LRRC37B: variants seen among roughly 807,000 people sequenced by gnomAD.
The protein encoded by LRRC37B is leucine-rich repeat-containing protein 37B.
In LRRC37B, 28 loss-of-function variants were observed where a neutral mutation model predicts 98.3. The observed-to-expected ratio is 0.28, with a 90% confidence interval of 0.21 to 0.39. The LOEUF is 0.39. Among genes scored for constraint, LRRC37B ranks in the 10% least tolerant of loss-of-function variants. The pLI is 1.00. For missense variants in LRRC37B, 938 were observed against 1,182.7 expected (o/e 0.79, Z 3.03); for synonymous variants, 364 against 442.7 (o/e 0.82, Z 2.23).
At chr17:32,047,922 G>C (rs375961211) in intron 9 of LRRC37B, 21 bp downstream of exon 12, 23 of 1,614,148 alleles carry the variant, frequency 1.4e-5, no homozygotes, top group Non-Finnish European at 1.9e-5. Flanking sequence ...AGACACCAAT[G>C]ACGAGAGTGA....
chr17:32,025,088 G>A (rs1209102069), intron 2 of LRRC37B, among the ~76,000 whole-genome samples: 2 of 124,898 alleles, frequency 1.6e-5, no homozygotes, highest in East Asian at 2.2e-4. Flanking sequence ...CTGGGCTGGA[G>A]TGCAGTGGCA....
exon 1 of LRRC37B, chr17:32,021,492 G>A (rs1910779592): frequency 6.2e-7 from 1 of 1,614,098 alleles, no homozygotes; most frequent in Non-Finnish European, 8.5e-7. Context: ...GCCGTTCTTG[G>A]CTGCACATCA....
At chr17:32,020,983 T>A (rs1910754521), upstream of LRRC37B, 6 of 1,497,488 alleles carry the variant, frequency 4.0e-6, no homozygotes, top group Middle Eastern at 1.8e-4. Context: ...GATTGTGACA[T>A]AAGGTTGCCC....
At chr17:32,021,808 C>T (rs1292302935) in exon 1 of LRRC37B, 1 of 1,614,198 alleles carries the variant, frequency 6.2e-7, no homozygotes, top group Non-Finnish European at 8.5e-7. Context: ...CAGAAACAGA[C>T]TTTGCCAGAT....
At chr17:32,008,621 C>T (rs889110073) in intron 1 of LRRC37B, among the ~76,000 whole-genome samples, 2 of 152,182 alleles carry the variant, frequency 1.3e-5, no homozygotes, top group African/African-American at 4.8e-5. Flanking sequence ...TTGTGGCACA[C>T]AGACACACAG....
exon 10 of LRRC37B, chr17:32,049,116 A>G: frequency 6.2e-7 from 1 of 1,613,872 alleles, no homozygotes. Context: ...TCAGCTTGAA[A>G]TTCAGCTAAC....
chr17:32,041,779 C>T (rs1382149427), intron 7 of LRRC37B: 5 of 458,268 alleles, frequency 1.1e-5, no homozygotes, highest in South Asian at 4.6e-5. Flanking sequence ...TCCATGGCGC[C>T]GGCCTCCTCC....
chr17:32,047,794 C>A lies in LRRC37B; in HGVS notation c.2357C>A (p.Ala786Glu), dbSNP rs764396617. The change falls in exon 9 of 12, where the codon GCG (alanine) becomes GAG (glutamate). Residue 786 changes from alanine (A) to glutamate (E), a missense_variant. By Grantham distance (107) the Ala-to-Glu change is moderately radical. Around this residue, in one of 2 missense-constraint regions of LRRC37B, gnomAD observed 328 missense variants for 557.0 expected, o/e 0.59. Coordinates refer to ENST00000327564, the Ensembl canonical transcript of LRRC37B. ...GCATCTGTAGGGAATCCAGAAGGAG[C>A]GTTCATGAAGATGTTACAAGCCCGG... The A allele has an allele frequency of 1.2e-6, 2 of 1,613,992 alleles. No homozygotes were observed. The highest frequency in any genetic ancestry group is 1.7e-5 in the Admixed American group (1 of 60,004).
At chr17:32,011,186 G>A (rs1200536175) in intron 1 of LRRC37B, among the ~76,000 whole-genome samples, 1 of 151,828 alleles carries the variant, frequency 6.6e-6, no homozygotes, top group Non-Finnish European at 1.5e-5. Context: ...TAGAAGAGAC[G>A]GGGTTTCACT....
intron 8 of LRRC37B, 90 bp downstream of exon 11, chr17:32,045,908 G>A (rs2916774): frequency 0.039 from 49,173 of 1,246,932 alleles, no homozygotes; most frequent in African/African-American, 0.26. Flanking sequence ...ATTTTAAGCT[G>A]ATGATATAAT....
chr17:32,021,304 C>G (rs1391418138), exon 1 of LRRC37B: 3 of 1,613,584 alleles, frequency 1.9e-6, no homozygotes, highest in East Asian at 2.2e-5. Context: ...TCCCGCTCCT[C>G]CCATCTCCCA....
At chr17:32,034,350 A>C (rs2142250779) in intron 5 of LRRC37B, among the ~76,000 whole-genome samples, 1 of 151,966 alleles carries the variant, frequency 6.6e-6, no homozygotes, top group South Asian at 2.1e-4. Flanking sequence ...AAAAATACAA[A>C]AATTAGCTGG....
intron 1 of LRRC37B, among the ~76,000 whole-genome samples, chr17:32,010,683 T>C (rs556326343): frequency 6.6e-6 from 1 of 152,368 alleles, no homozygotes; most frequent in East Asian, 1.9e-4. Flanking sequence ...AAATATACAC[T>C]AAGTTATTGT....
intron 2 of LRRC37B, among the ~76,000 whole-genome samples, chr17:32,026,718 C>G (rs1034049134): frequency 6.6e-6 from 1 of 152,156 alleles, no homozygotes; most frequent in Non-Finnish European, 1.5e-5. Flanking sequence ...CATGAGCCAC[C>G]AGGCCAGGCC....
intron 9 of LRRC37B, chr17:32,048,881 A>G: frequency 6.5e-7 from 1 of 1,533,980 alleles, no homozygotes; most frequent in Non-Finnish European, 9.0e-7. Context: ...CACTAGTGTA[A>G]AAGACACAAC....
At chr17:32,017,800 A>T (rs749228628), upstream of LRRC37B, among the ~76,000 whole-genome samples, 2 of 152,202 alleles carry the variant, frequency 1.3e-5, no homozygotes, top group Non-Finnish European at 2.9e-5. Flanking sequence ...TCCAAAAAAA[A>T]CAGAAAACAA....
chr17:32,021,580 C>A (rs754967410), exon 1 of LRRC37B: 1 of 1,614,208 alleles, frequency 6.2e-7, no homozygotes, highest in Non-Finnish European at 8.5e-7. Context: ...CAGAACCAGG[C>A]CCTAGTTCAG....
At position 32,021,320 on chromosome 17, in the gene LRRC37B, A is replaced by G. The variant is rs199855930; in HGVS notation, c.255A>G (p.Glu85=). 2.2e-4 allele frequency: 355 copies of G among 1,613,778 alleles called. 2 individuals are homozygous for G. The highest frequency in any genetic ancestry group is 1.7e-3 in the Middle Eastern group (10 of 5,916). The stretch of plus-strand genomic sequence containing the variant: ...CCCGCTCCTCCCATCTCCCATGGGA[A>G]TCTCCCCATGCACCTGCTCCCCCAG... The change falls in exon 1 of 12, where the codon GAA becomes GAG. Residue 85 remains glutamate, a synonymous_variant. Coordinates refer to ENST00000327564, the Ensembl canonical transcript of LRRC37B.
exon 1 of LRRC37B, chr17:32,022,709 T>G: frequency 3.7e-6 from 6 of 1,614,034 alleles, no homozygotes; most frequent in Non-Finnish European, 3.4e-6. Flanking sequence ...CCAACATATG[T>G]GAGCTCTGCA....
Sources: gnomAD v4.1 joint callset for allele counts (sites outside exome capture counted in the v4.1 genomes callset) on GRCh38, gnomAD v4.1.1 for gene constraint, gnomAD v4.1.1 regional missense constraint, MANE v1.5 for transcripts, NCBI Gene and HGNC (gene_info 2026-07-23, HGNC 2026-07-21) for gene names.